Variants in LHCGR observed in about 807,000 individuals in gnomAD.
LHCGR encodes the protein luteinizing hormone/choriogonadotropin receptor.
In LHCGR, 55 loss-of-function variants were observed where a neutral mutation model predicts 60.7. The observed-to-expected ratio is 0.91, with a 90% confidence interval of 0.73 to 1.13. The LOEUF (loss-of-function observed/expected upper bound fraction) is 1.13, where lower values mean the gene tolerates loss of function less well. LHCGR is among the 50% of genes most tolerant of loss of function. The probability of loss-of-function intolerance (pLI) is 0.00; values close to 1 mark genes in which losing one functional copy is unlikely to be tolerated. For missense variants in LHCGR, 862 were observed against 836.0 expected (o/e 1.03, Z -0.38); for synonymous variants, 337 against 316.5 (o/e 1.06, Z -0.69).
intron 8 of LHCGR, 51 bp downstream of exon 8, chr2:48,708,897 T>C (rs565352927): frequency 3.3e-5 from 45 of 1,381,612 alleles, no homozygotes; most frequent in Non-Finnish European, 1.0e-6. Context: ...CCCTAAGCAG[T>C]CCTGTTGGGG....
At chr2:48,690,524 A>G (rs1205959898) in intron 10 of LHCGR, among the ~76,000 whole-genome samples, 1 of 152,246 alleles carries the variant, frequency 6.6e-6, no homozygotes, top group African/African-American at 2.4e-5. Flanking sequence ...GATTCTTAAA[A>G]TTAGCTCTTG....
chr2:48,690,660 C>T (rs1439892263), intron 10 of LHCGR, among the ~76,000 whole-genome samples: 1 of 152,202 alleles, frequency 6.6e-6, no homozygotes, highest in Non-Finnish European at 1.5e-5. Flanking sequence ...TTTTCCTCAT[C>T]TCTCTGGTGA....
At chr2:48,752,527 TTC>T (rs1670000913) in intron 1 of LHCGR, among the ~76,000 whole-genome samples, 1 of 71,080 alleles carries the variant, frequency 1.4e-5, no homozygotes, top group Non-Finnish European at 2.6e-5. Flanking sequence ...AATTTAAGCT[TTC>T]TTTTTTTTTT....
rs557496206 is a variant in LHCGR, at chr2:48,747,997, C to G, written c.161+7514G>C. 2.0e-5 allele frequency among the ~76,000 whole-genome samples: 3 copies of G among 152,234 alleles called. No homozygotes were observed. In the South Asian group the frequency reaches 6.2e-4, roughly 32 times the overall value. On this transcript the variant is annotated intron_variant, in intron 1 of 10. Coordinates refer to ENST00000294954, the MANE Select transcript of LHCGR (RefSeq NM_000233.4). ...GAACTGAGCTTAGGGGATAACCATG[C>G]TAGTCCAGCTGCCTCTATAGAGAAT... is the stretch of plus-strand genomic sequence containing the variant.
At chr2:48,715,847 T>C (rs1000286938) in intron 6 of LHCGR, among the ~76,000 whole-genome samples, 6 of 152,174 alleles carry the variant, frequency 3.9e-5, no homozygotes, top group African/African-American at 9.7e-5. Flanking sequence ...AGTCTCCTCG[T>C]TAGAGTCAGT....
intron 8 of LHCGR, among the ~76,000 whole-genome samples, chr2:48,702,239 A>G (rs967163232): frequency 1.4e-4 from 21 of 148,804 alleles, no homozygotes; most frequent in African/African-American, 2.7e-4. Flanking sequence ...TCAATGTTCT[A>G]TTCCTCCTAA....
At chr2:48,719,173 T>C (rs1486226238) in intron 6 of LHCGR, among the ~76,000 whole-genome samples, 1 of 152,026 alleles carries the variant, frequency 6.6e-6, no homozygotes, top group Admixed American at 6.6e-5. Context: ...ATACAAAAAA[T>C]TAGCCGGGCA....
At chr2:48,737,194 G>T (rs1669238614) in intron 1 of LHCGR, among the ~76,000 whole-genome samples, 1 of 152,162 alleles carries the variant, frequency 6.6e-6, no homozygotes, top group Non-Finnish European at 1.5e-5. Flanking sequence ...TCTAATTGTT[G>T]TTAAAAATGC....
chr2:48,726,181 T>C (rs1346295007), intron 3 of LHCGR, among the ~76,000 whole-genome samples: 1 of 152,148 alleles, frequency 6.6e-6, no homozygotes, highest in East Asian at 1.9e-4. Context: ...CCTCTTCATA[T>C]TGGCCGGCAA....
chr2:48,727,870 T>C (rs1246142037), intron 3 of LHCGR, among the ~76,000 whole-genome samples: 2 of 152,208 alleles, frequency 1.3e-5, no homozygotes, highest in African/African-American at 4.8e-5. Context: ...AATTAATTAT[T>C]CTCTTCAGGT....
At chr2:48,712,788 C>T (rs932646979) in intron 7 of LHCGR, among the ~76,000 whole-genome samples, 1 of 151,968 alleles carries the variant, frequency 6.6e-6, no homozygotes, top group Non-Finnish European at 1.5e-5. Flanking sequence ...TTATTGGATC[C>T]ATTTTATGAA....
intron 8 of LHCGR, among the ~76,000 whole-genome samples, chr2:48,702,439 G>A (rs1281543039): frequency 6.6e-6 from 1 of 151,942 alleles, no homozygotes; most frequent in African/African-American, 2.4e-5. Flanking sequence ...ACAGGCCCTG[G>A]TGTGTGATGT....
chr2:48,713,982 T>G lies in LHCGR; in HGVS notation c.605+4A>C. Reference sequence around the variant, plus strand: ...CTGAGCTGGGGAAATAAGCAAATACTTACAGTGAAGTCAGTGTCGTCCCAT... The same window carrying G: ...CTGAGCTGGGGAAATAAGCAAATACGTACAGTGAAGTCAGTGTCGTCCCAT... On this transcript the variant is annotated splice_donor_region_variant and intron_variant, in intron 7 of 10. Coordinates refer to ENST00000294954, the MANE Select transcript of LHCGR (RefSeq NM_000233.4). 1.3e-6 allele frequency: 2 copies of G among 1,593,394 alleles called. No individual in the cohort carries two copies. The highest frequency in any genetic ancestry group is 4.5e-5 in the East Asian group (2 of 44,778).
At position 48,731,228 on chromosome 2, in the gene LHCGR, T is replaced by A; in HGVS notation, c.232A>T (p.Ile78Phe). The stretch of plus-strand genomic sequence containing the variant: ...TTTGATATGCAGTAACTTACTTACA[T>A]TTTTATGACCTCATTAAGTCCTCTG... ...AFRGLNEVIK[I>F]EISQIDSLER... The change falls in exon 2 of 11, where the codon ATT becomes TTT. Residue 78 changes from isoleucine (I) to phenylalanine (F), a missense_variant and splice_region_variant. Transcript: ENST00000294954. 6.2e-7 allele frequency: 1 copy of A among 1,600,344 alleles called. No homozygotes were observed. The highest frequency in any genetic ancestry group is 8.6e-7 in the Non-Finnish European group (1 of 1,168,314).
Position 48,755,504 on chromosome 2 carries a change from T to A in LHCGR, c.161+7A>T. The A allele has an allele frequency of 6.6e-7, 1 of 1,526,418 alleles. No individual in the cohort carries two copies. Among genetic ancestry groups the A allele is most frequent in the Non-Finnish European group, 8.8e-7 (1 of 1,130,038 alleles). The allele number at this position is 1,526,418 out of a possible 1,614,324, so 94.6% of individuals were successfully genotyped here. A position where few individuals can be genotyped will look rare whatever the true frequency, so the allele number is the denominator to read the frequency against. On this transcript the variant is annotated splice_region_variant and intron_variant, in intron 1 of 10. Transcript: ENST00000294954. The stretch of plus-strand genomic sequence containing the variant: ...AGGGCGCCGCGACGGGAGCGCTGTG[T>A]ACTCACAGTCGAGTGAGACCGGCCG...
intron 2 of LHCGR, among the ~76,000 whole-genome samples, chr2:48,730,631 C>T (rs571837049): frequency 1.3e-5 from 2 of 152,234 alleles, no homozygotes; most frequent in East Asian, 1.9e-4. Flanking sequence ...GAATACTGGG[C>T]CCTTGAGAAC....
intron 7 of LHCGR, among the ~76,000 whole-genome samples, chr2:48,711,654 T>G (rs6744967): frequency 1.3e-5 from 2 of 152,004 alleles, no homozygotes; most frequent in Admixed American, 6.5e-5. Context: ...CATACTGTGT[T>G]GGTTTTTCTC....
intron 10 of LHCGR, among the ~76,000 whole-genome samples, chr2:48,692,437 T>A (rs957657230): frequency 6.6e-6 from 1 of 152,232 alleles, no homozygotes; most frequent in African/African-American, 2.4e-5. Flanking sequence ...CTAGCAATTT[T>A]TCTCCCTGGT....
chr2:48,713,613 T>C (rs1179590511), intron 7 of LHCGR, among the ~76,000 whole-genome samples: 2 of 152,062 alleles, frequency 1.3e-5, no homozygotes, highest in East Asian at 3.9e-4. Flanking sequence ...TAAATGGTGG[T>C]GTTATCTGAT....
Sources: gnomAD v4.1 joint callset for allele counts (sites outside exome capture counted in the v4.1 genomes callset) on GRCh38, gnomAD v4.1.1 for gene constraint, MANE v1.5 for transcripts, NCBI Gene and HGNC (gene_info 2026-07-23, HGNC 2026-07-21) for gene names.